EIF3A: variants seen among roughly 807,000 people sequenced by gnomAD.
The protein encoded by EIF3A is EIF3, p180 subunit.
In EIF3A, 21 loss-of-function variants were observed where a neutral mutation model predicts 186.6. The observed-to-expected ratio is 0.11, with a 90% CI of 0.08 to 0.16. The LOEUF is 0.16. Ranked by LOEUF, EIF3A falls within the 10% of genes least tolerant of loss-of-function variation. EIF3A has a pLI of 1.00. For missense variants in EIF3A, 1,306 were observed against 1,796.3 expected (o/e 0.73, Z 4.93); for synonymous variants, 563 against 584.3 (o/e 0.96, Z 0.52).
chr10:119,050,707 G>A (rs1564752052), intron 15 of EIF3A, 33 bp from the exon 16 acceptor site: 1 of 1,611,960 alleles, frequency 6.2e-7, no homozygotes, highest in Non-Finnish European at 8.5e-7. Context: ...CCCAAAAAGG[G>A]CACACTTTGT....
chr10:119,065,114 T>TG lies in EIF3A; in HGVS notation c.1122+284dup, dbSNP rs1321919777. Reference sequence around the variant, plus strand: ...CCTAGAGCCTCCATGAAATAAGCCATGACTCTTCTTGCCCATCATTACTTC... The same window carrying TG: ...CCTAGAGCCTCCATGAAATAAGCCATGGACTCTTCTTGCCCATCATTACTTC... On this transcript the variant is annotated intron_variant, in intron 7 of 21. Coordinates refer to ENST00000369144, the MANE Select transcript of EIF3A (RefSeq NM_003750.4). Among the ~76,000 whole-genome samples, 14 of 152,192 alleles carry TG rather than the reference T, an allele frequency of 9.2e-5. 1 individual carries two copies. Among genetic ancestry groups the TG allele is most frequent in the African/African-American group, 3.4e-4 (14 of 41,440 alleles).
intron 11 of EIF3A, among the ~76,000 whole-genome samples, 154 bp from the exon 12 acceptor site, chr10:119,058,457 T>C (rs541561960): frequency 1.8e-4 from 27 of 152,364 alleles, no homozygotes; most frequent in African/African-American, 6.5e-4. Flanking sequence ...TTGTTTTCGG[T>C]ATTAAATGCT....
At chr10:119,080,044 A>G (rs1844237418) in intron 1 of EIF3A, among the ~76,000 whole-genome samples, 1 of 152,242 alleles carries the variant, frequency 6.6e-6, no homozygotes, top group African/African-American at 2.4e-5. Context: ...AGAGGCCCCT[A>G]AGTGGATATA....
At position 119,044,062 on chromosome 10, in the gene EIF3A, C is replaced by T. The variant is rs144646420; in HGVS notation, c.2739G>A (p.Pro913=). 1.4e-5 allele frequency: 23 copies of T among 1,611,722 alleles called. No individual in the cohort carries two copies. The highest frequency in any genetic ancestry group is 1.3e-4 in the African/African-American group (10 of 74,986). ...TCCTCAACTCTACTTACTTCTCTGG[C>T]GGGCCTCTTCTCCACTCAGAATCTG... ...PEADSEWRRG[P]PEKEWRRGEG... Residue 913 remains proline (P), a synonymous_variant, in exon 18 of 22, where the codon CCG becomes CCA. Coordinates refer to ENST00000369144, the MANE Select transcript of EIF3A (RefSeq NM_003750.4).
chr10:119,047,259 CTG>C (rs1169676949), intron 17 of EIF3A, among the ~76,000 whole-genome samples: 1 of 152,100 alleles, frequency 6.6e-6, no homozygotes, highest in African/African-American at 2.4e-5. Flanking sequence ...CAGAGCGAGA[CTG>C]TCTCCACACA....
At position 119,057,047 on chromosome 10, in the gene EIF3A, G is replaced by A. The variant is rs753327887; in HGVS notation, c.1978-7C>T. On this transcript the variant is annotated splice_region_variant and splice_polypyrimidine_tract_variant and intron_variant, in intron 12 of 21. Transcript: ENST00000369144. ...GATCCAATTCCTCAAGGTCCTGAAA[G>A]GTAATACAAATGCACAATTGTTAAT... is the stretch of plus-strand genomic sequence containing the variant. The A allele has an allele frequency of 2.6e-6, 4 of 1,552,776 alleles. No individual in the cohort carries two copies. In the African/African-American group the frequency reaches 4.1e-5, roughly 16 times the overall value.
At chr10:119,053,794 C>T (rs895144740) in intron 14 of EIF3A, among the ~76,000 whole-genome samples, 9 of 152,220 alleles carry the variant, frequency 5.9e-5, no homozygotes, top group Admixed American at 3.3e-4. Context: ...TTCTGAATAA[C>T]TTGCTGTAGC....
In EIF3A at chr10:119,050,580, G is replaced by T. The variant is rs1297912731; in HGVS notation, c.2414C>A (p.Thr805Lys). Residue 805 changes from threonine (T) to lysine (K), a missense_variant, in exon 16 of 22, where the codon ACA becomes AAA. Transcript: ENST00000369144. ...CTCCTCTTCTTTTTCTCTATAGTAT[G>T]TTATCCTGCGTTCTTCTTTACGCTG... ...KRQRKEERRI[T>K]YYREKEEEEQ... The T allele has an allele frequency of 6.2e-7, 1 of 1,613,922 alleles. No homozygotes were observed. The highest frequency in any genetic ancestry group is 8.5e-7 in the Non-Finnish European group (1 of 1,179,922).
At chr10:119,043,277 G>A (rs1848239120) in intron 18 of EIF3A, among the ~76,000 whole-genome samples, 1 of 152,086 alleles carries the variant, frequency 6.6e-6, no homozygotes. Context: ...AAATTAGCCA[G>A]GCGTGGTGGT....
intron 18 of EIF3A, 63 bp downstream of exon 18, chr10:119,043,991 T>C: frequency 8.0e-7 from 1 of 1,248,816 alleles, no homozygotes; most frequent in Non-Finnish European, 1.2e-6. Context: ...AACCAAATTT[T>C]AAAACCACTG....
At chr10:119,062,382 A>C (rs1430162251) in intron 7 of EIF3A, among the ~76,000 whole-genome samples, 1 of 152,202 alleles carries the variant, frequency 6.6e-6, no homozygotes, top group African/African-American at 2.4e-5. Flanking sequence ...GGAATGTTTG[A>C]GTCTTTTCCT....
At position 119,069,519 on chromosome 10, in the gene EIF3A, C is replaced by A. The variant is rs747531147; in HGVS notation, c.877G>T (p.Ala293Ser). The change falls in exon 6 of 22, where the codon GCA becomes TCA. Residue 293 changes from alanine (A) to serine (S), a missense_variant. Physicochemically the swap from Ala to Ser is moderately conservative, Grantham distance 99 (BLOSUM62 1). This residue lies in a region of EIF3A where 267 missense variants were observed against 367.8 expected (regional missense o/e 0.73). Coordinates refer to ENST00000369144, the MANE Select transcript of EIF3A (RefSeq NM_003750.4). The stretch of plus-strand genomic sequence containing the variant: ...TGGTAAAGACGATGGAGTGTAGATG[C>A]ATGAAAAAGAGCATTTCCAGATTTC... ...FWKSGNALFH[A>S]STLHRLYHLS... 6.3e-7 allele frequency: 1 copy of A among 1,591,098 alleles called. No individual in the cohort carries two copies. Among genetic ancestry groups the A allele is most frequent in the South Asian group, 1.1e-5 (1 of 90,586 alleles).
intron 18 of EIF3A, among the ~76,000 whole-genome samples, chr10:119,043,505 TCAGGAGGCTGAGG>T (rs964482621): frequency 4.0e-5 from 6 of 151,338 alleles, no homozygotes; most frequent in African/African-American, 1.5e-4. Context: ...TCCCAGCTAC[TCAGGAGGCTGAGG>T]CAGGAGGATC....
Position 119,042,079 on chromosome 10 carries a change from G to A in EIF3A, c.3441C>T (p.Arg1147=). 1.2e-6 allele frequency: 2 copies of A among 1,614,148 alleles called. No homozygotes were observed. The highest frequency in any genetic ancestry group is 8.5e-7 in the Non-Finnish European group (1 of 1,180,034). Residue 1147 remains arginine (R), a synonymous_variant, in exon 19 of 22, where the codon CGC becomes CGT. Transcript: ENST00000369144. This position sits in a 1 kb window ranked among gnomAD's most constrained non-coding sequence, Gnocchi z 7.8. ...RGPWRNMDDD[R]LSRRADDDRF... ...GATCATCATCAGCACGTCTTGAAAG[G>A]CGATCATCATCCATGTTTCTCCAAG...
intron 1 of EIF3A, among the ~76,000 whole-genome samples, chr10:119,078,730 C>A (rs776327522): frequency 3.0e-4 from 45 of 152,122 alleles, no homozygotes; most frequent in Non-Finnish European, 5.6e-4. Flanking sequence ...CCTCATCTTG[C>A]CTACTTTAAT....
chr10:119,059,441 T>C, intron 10 of EIF3A, 44 bp from the exon 11 acceptor site: 3 of 1,433,050 alleles, frequency 2.1e-6, no homozygotes, highest in South Asian at 2.6e-5. Flanking sequence ...CAAGTAAGCA[T>C]GAAGTCAAAA....
At chr10:119,065,696 T>C (rs1251669605) in intron 6 of EIF3A, 126 bp from the exon 7 acceptor site, 3 of 647,478 alleles carry the variant, frequency 4.6e-6, no homozygotes, top group Non-Finnish European at 5.5e-6. Context: ...CATGGTGCAC[T>C]ATACTCATAA....
Position 119,057,423 on chromosome 10 carries a change from A to C in EIF3A, c.1978-383T>G, listed in dbSNP as rs193095884. Reference sequence around the variant, plus strand: ...CAAAATGCATTCAAAACTTTGTTTCATGCACAAAATTATGTAAAATAGTGT... The same window carrying C: ...CAAAATGCATTCAAAACTTTGTTTCCTGCACAAAATTATGTAAAATAGTGT... On this transcript the variant is annotated intron_variant, in intron 12 of 21. Transcript: ENST00000369144. 1.6e-3 allele frequency among the ~76,000 whole-genome samples: 240 copies of C among 152,340 alleles called. 2 individuals are homozygous for C. The highest frequency in any genetic ancestry group is 2.5e-3 in the Non-Finnish European group (170 of 68,030).
At chr10:119,061,172 G>T in intron 8 of EIF3A, 52 bp downstream of exon 8, 1 of 1,032,762 alleles carries the variant, frequency 9.7e-7, no homozygotes, top group Non-Finnish European at 1.5e-6. Context: ...ACCCAAAACT[G>T]CAAGAAGGCC....
Sources: allele counts gnomAD v4.1 joint callset (sites outside exome capture counted in the v4.1 genomes callset), GRCh38; gene constraint gnomAD v4.1.1; regional missense constraint gnomAD v4.1.1; non-coding constraint Gnocchi (gnomAD v3.1); transcripts MANE v1.5; gene names NCBI Gene and HGNC (gene_info 2026-07-23, HGNC 2026-07-21).